FANCA: variants seen among roughly 807,000 people sequenced by gnomAD.
The protein encoded by FANCA is FA complementation group A.
A neutral mutation model predicts 194.3 loss-of-function variants in FANCA; 236 were observed. The ratio of observed to expected loss-of-function variants is 1.21; its 90% CI spans 1.09 to 1.35. The LOEUF (loss-of-function observed/expected upper bound fraction) is 1.35, where lower values mean the gene tolerates loss of function less well. Ranked by LOEUF, FANCA falls within the 40% of genes most tolerant of loss-of-function variation. FANCA has a pLI of 0.00. For synonymous variants in FANCA, 1,014 were observed against 715.8 expected, an observed-to-expected ratio of 1.42 and a Z score of -6.65; for missense variants, 2,628 against 1,813.9, an observed-to-expected ratio of 1.45 and a Z score of -8.15.
chr16:89,776,145 G>T (rs994550276), intron 20 of FANCA, among the ~76,000 whole-genome samples: 1 of 141,296 alleles, frequency 7.1e-6, no homozygotes, highest in Non-Finnish European at 1.5e-5. Flanking sequence ...TTCAAAACAC[G>T]AATCTTTGTT....
chr16:89,816,177 G>A lies in FANCA; in HGVS notation c.80-191C>T, dbSNP rs543135241. ...CCCCACCGCGGACGCCGGGGAAGAC[G>A]GCCCAGGAGGGCCCGAGGCAGGGGA... On this transcript the variant is annotated intron_variant, in intron 1 of 42. Coordinates refer to ENST00000389301, the MANE Select transcript of FANCA (RefSeq NM_000135.4). 142 of 623,800 alleles carry A rather than the reference G, an allele frequency of 2.3e-4. No homozygotes were observed. The African/African-American group carries it at 2.3e-3, about 10-fold the overall frequency. 38.6% of individuals were successfully genotyped at this position (623,800 alleles called of 1,614,324 possible).
At chr16:89,742,143 A>G (rs1367211609) in intron 37 of FANCA, among the ~76,000 whole-genome samples, 2 of 151,794 alleles carry the variant, frequency 1.3e-5, no homozygotes, top group African/African-American at 4.8e-5. Context: ...CACCCGACTA[A>G]TTTTTGTGTT....
intron 20 of FANCA, among the ~76,000 whole-genome samples, chr16:89,776,159 C>CTTTTTTT (rs3069458): frequency 2.1e-5 from 2 of 93,276 alleles, no homozygotes; most frequent in South Asian, 4.0e-4. Context: ...CTTTGTTTTT[C>CTTTTTTT]TTTTTTTTTT....
intron 6 of FANCA, among the ~76,000 whole-genome samples, chr16:89,807,062 G>C (rs913188215): frequency 1.3e-5 from 2 of 152,294 alleles, no homozygotes; most frequent in African/African-American, 4.8e-5. Context: ...ACTGAAAGGG[G>C]AGTATTGAAA....
chr16:89,749,848 T>A lies in FANCA; in HGVS notation c.3121A>T (p.Thr1041Ser), dbSNP rs769635187. The change falls in exon 32 of 43, where the codon ACC becomes TCC. Residue 1041 changes from threonine to serine, a missense_variant. Thr to Ser is a moderately conservative substitution (Grantham distance 58). Coordinates refer to ENST00000389301, the MANE Select transcript of FANCA (RefSeq NM_000135.4). Reference protein sequence around the residue: ...QQDLIVPLGHTPSQEHFLFEI... With the variant: ...QQDLIVPLGHSPSQEHFLFEI... Reference sequence around the variant, plus strand: ...AAGAGGAAGTGCTCCTGGGAAGGGGTGTGGCCGAGAGGCACTATGAGGTCT... The same window carrying A: ...AAGAGGAAGTGCTCCTGGGAAGGGGAGTGGCCGAGAGGCACTATGAGGTCT... 3 of 1,614,040 alleles carry A rather than the reference T, an allele frequency of 1.9e-6. No individual in the cohort carries two copies. The highest frequency in any genetic ancestry group is 2.2e-5 in the South Asian group (2 of 91,090).
rs1390620949 is a variant in FANCA at position 89,744,999 on chromosome 16, C to T, written c.3586G>A (p.Glu1196Lys). 3 of 1,611,412 alleles carry T rather than the reference C, an allele frequency of 1.9e-6. No homozygotes were observed. Among genetic ancestry groups the T allele is most frequent in the South Asian group, 2.2e-5 (2 of 91,042 alleles). The change falls in exon 36 of 43, where the codon GAA becomes AAA. Residue 1196 changes from glutamate (E) to lysine (K), a missense_variant. Glu to Lys is a moderately conservative substitution (Grantham distance 56). Transcript: ENST00000389301. ...CGGCCTTCTTGTAGCTTCTGCAGTTCCCGGGGCAGCGGGCTCTGGCAGTGT... is the reference window on the plus strand; with the variant it reads ...CGGCCTTCTTGTAGCTTCTGCAGTTTCCGGGGCAGCGGGCTCTGGCAGTGT... ...RRHCQSPLPR[E>K]LQKLQEGRQF...
chr16:89,737,874 C>A lies in FANCA; in HGVS notation c.*727G>T, dbSNP rs1423350127. 1 of 1,614,054 alleles carries A rather than the reference C, an allele frequency of 6.2e-7. No individual in the cohort carries two copies. Among genetic ancestry groups the A allele is most frequent in the African/African-American group, 1.3e-5 (1 of 74,918 alleles). On this transcript the variant is annotated 3_prime_UTR_variant, in exon 43 of 43. Transcript: ENST00000389301. ...GCAGCGGAAGCACCTTCTCGTCCAC[C>A]AAATGCGACATTCGGGAGCCAAGCC... is the stretch of plus-strand genomic sequence containing the variant.
chr16:89,815,156 C>T (rs1052040820), intron 2 of FANCA, among the ~76,000 whole-genome samples: 8 of 151,464 alleles, frequency 5.3e-5, no homozygotes, highest in Admixed American at 2.6e-4. Context: ...CCTGCCTCAG[C>T]CTCCTGAGCA....
chr16:89,761,784 G>A (rs756957245), intron 29 of FANCA, among the ~76,000 whole-genome samples, 165 bp downstream of exon 29: 13 of 152,066 alleles, frequency 8.5e-5, no homozygotes, highest in Admixed American at 1.3e-4. Context: ...CCGCATGTCC[G>A]GCTAATTTCT....
At chr16:89,784,770 G>A in intron 15 of FANCA, 84 bp downstream of exon 15, 1 of 997,180 alleles carries the variant, frequency 1.0e-6, no homozygotes, top group South Asian at 1.3e-5. Flanking sequence ...TCTGCAGGAG[G>A]CTCTTGGGGA....
chr16:89,788,332 G>A (rs1383198903), intron 14 of FANCA, among the ~76,000 whole-genome samples: 1 of 151,964 alleles, frequency 6.6e-6, no homozygotes, highest in African/African-American at 2.4e-5. Context: ...GTGGTGGCAG[G>A]CACCTGTAGT....
In FANCA at chr16:89,779,960, G is replaced by C. The variant is rs2039644900; in HGVS notation, c.1627-3C>G. ...TCCTGAAGAGCTTGGCTGTGGGGCT[G>C]GTTCCCATACAGGGAGGAAAGGAAA... is the stretch of plus-strand genomic sequence containing the variant. On this transcript the variant is annotated splice_polypyrimidine_tract_variant and splice_region_variant and intron_variant, in intron 17 of 42. Coordinates refer to ENST00000389301, the MANE Select transcript of FANCA (RefSeq NM_000135.4). 1.2e-6 allele frequency: 2 copies of C among 1,613,940 alleles called. No homozygotes were observed. Among genetic ancestry groups the C allele is most frequent in the South Asian group, 1.1e-5 (1 of 91,076 alleles).
intron 5 of FANCA, among the ~76,000 whole-genome samples, chr16:89,810,375 GA>G (rs1050360017): frequency 6.8e-6 from 1 of 147,942 alleles, no homozygotes; most frequent in African/African-American, 2.5e-5. Context: ...CCTGTCTCTG[GA>G]AAAAAAAATT....
At chr16:89,749,617 C>T in intron 32 of FANCA, 113 bp downstream of exon 32, 1 of 1,346,074 alleles carries the variant, frequency 7.4e-7, no homozygotes, top group Non-Finnish European at 1.0e-6. Flanking sequence ...GGTGGGGACA[C>T]ACAGACAAGT....
At chr16:89,783,449 A>C (rs1249873251) in intron 15 of FANCA, among the ~76,000 whole-genome samples, 1 of 151,438 alleles carries the variant, frequency 6.6e-6, no homozygotes, top group East Asian at 2.0e-4. Flanking sequence ...TACTCGGGAG[A>C]CTGAGGCAGG....
At chr16:89,755,879 C>T (rs1038863828) in intron 30 of FANCA, among the ~76,000 whole-genome samples, 1 of 149,254 alleles carries the variant, frequency 6.7e-6, no homozygotes, top group African/African-American at 2.5e-5. Flanking sequence ...AGACACAGAC[C>T]GGAGCCGCCC....
At chr16:89,792,628 G>A in intron 11 of FANCA, 81 bp from the exon 12 acceptor site, 1 of 1,187,134 alleles carries the variant, frequency 8.4e-7, no homozygotes, top group Non-Finnish European at 1.2e-6. Flanking sequence ...GCCCCACAGG[G>A]TCGGTGGGTC....
chr16:89,743,542 G>C (rs908741513), intron 36 of FANCA, among the ~76,000 whole-genome samples: 4 of 152,158 alleles, frequency 2.6e-5, no homozygotes, highest in African/African-American at 9.7e-5. Context: ...ACAAAAACGA[G>C]GCAGGGCGTG....
intron 35 of FANCA, 143 bp from the exon 36 acceptor site, chr16:89,745,214 T>C (rs2038339961): frequency 2.6e-6 from 2 of 762,564 alleles, no homozygotes; most frequent in African/African-American, 1.7e-5. Context: ...AAAGCCAGTA[T>C]TTTTTACGTC....
Sources: allele counts gnomAD v4.1 joint callset (sites outside exome capture counted in the v4.1 genomes callset), GRCh38; gene constraint gnomAD v4.1.1; transcripts MANE v1.5; gene names NCBI Gene and HGNC (gene_info 2026-07-23, HGNC 2026-07-21).